The following ABR variants were observed in gnomAD, a reference collection of about 807,000 sequenced individuals.
The protein encoded by ABR is active breakpoint cluster region-related protein.
Under a neutral mutation model 107.2 loss-of-function variants are expected in ABR, and 35 were observed. The ratio of observed to expected loss-of-function variants is 0.33; its 90% confidence interval spans 0.25 to 0.43. The LOEUF (loss-of-function observed/expected upper bound fraction) is 0.43, where lower values mean the gene tolerates loss of function less well. Among genes scored for constraint, ABR ranks in the 20% least tolerant of loss-of-function variants. The probability of loss-of-function intolerance (pLI) is 1.00; values close to 1 mark genes in which losing one functional copy is unlikely to be tolerated. For missense variants in ABR, 815 were observed against 1,115.2 expected, an observed-to-expected ratio of 0.73 and a Z score of 3.83; for synonymous variants, 498 against 462.0, an observed-to-expected ratio of 1.08 and a Z score of -1.00.
chr17:1,096,410 C>T (rs559416931), intron 3 of ABR, among the ~76,000 whole-genome samples: 15 of 152,268 alleles, frequency 9.9e-5, no homozygotes, highest in Admixed American at 5.2e-4. Context: ...GGCACCTTTG[C>T]GAGGCCACCC....
chr17:1,046,416 G>A (rs973004864), intron 16 of ABR, among the ~76,000 whole-genome samples: 2 of 151,974 alleles, frequency 1.3e-5, no homozygotes, highest in Non-Finnish European at 2.9e-5. Context: ...GATTATGGGC[G>A]CGTGCCACCA....
chr17:1,014,076 A>C (rs1207144386), intron 16 of ABR, among the ~76,000 whole-genome samples: 1 of 152,236 alleles, frequency 6.6e-6, no homozygotes, highest in Admixed American at 6.5e-5. Context: ...TAAAAGTGTG[A>C]CATCATTCCT....
At chr17:1,205,769 C>A (rs1200853724) in intron 1 of ABR, among the ~76,000 whole-genome samples, 1 of 152,172 alleles carries the variant, frequency 6.6e-6, no homozygotes, top group Non-Finnish European at 1.5e-5. Flanking sequence ...ATGGTGAAAC[C>A]CCATCTCTGC....
At chr17:1,186,451 C>G (rs1273752949) in intron 1 of ABR, among the ~76,000 whole-genome samples, 5 of 152,222 alleles carry the variant, frequency 3.3e-5, no homozygotes, top group African/African-American at 9.6e-5. Flanking sequence ...GCATTCACCC[C>G]CTCACTGCCT....
intron 1 of ABR, among the ~76,000 whole-genome samples, chr17:1,130,329 T>C (rs2039772462): frequency 6.6e-6 from 1 of 152,028 alleles, no homozygotes; most frequent in African/African-American, 2.4e-5. Context: ...CCATTCTAGA[T>C]GCCTCCACAT....
rs1397810955 is a variant in ABR at position 1,051,949 on chromosome 17, C to A, written c.1562-1315G>T. On this transcript the variant is annotated intron_variant, in intron 14 of 22. Transcript: ENST00000302538. This position sits in a 1 kb window ranked among gnomAD's most constrained non-coding sequence, Gnocchi z 4.3. Reference sequence around the variant, plus strand: ...GTGAGCCCGGCGTGGTGGCACATGCCTGTAGTCCCAGCTACTCGGGAGGCT... The same window carrying A: ...GTGAGCCCGGCGTGGTGGCACATGCATGTAGTCCCAGCTACTCGGGAGGCT... Among the ~76,000 whole-genome samples, 1 of 152,138 alleles carries A rather than the reference C, an allele frequency of 6.6e-6. No individual in the cohort carries two copies. Among genetic ancestry groups the A allele is most frequent in the African/African-American group, 2.4e-5 (1 of 41,436 alleles).
chr17:1,205,549 G>A (rs187456040), intron 1 of ABR, among the ~76,000 whole-genome samples: 10 of 152,270 alleles, frequency 6.6e-5, no homozygotes, highest in Admixed American at 3.3e-4. Context: ...AGTGGCTCAC[G>A]TCTGTAATCC....
At chr17:1,066,997 AC>A in intron 10 of ABR, 79 bp downstream of exon 10, 1 of 1,497,002 alleles carries the variant, frequency 6.7e-7, no homozygotes, top group Non-Finnish European at 9.1e-7. Flanking sequence ...AAAGTCTCAA[AC>A]CTTACAACTT....
At chr17:1,041,505 C>T (rs1352436255) in intron 16 of ABR, among the ~76,000 whole-genome samples, 3 of 151,870 alleles carry the variant, frequency 2.0e-5, no homozygotes, top group African/African-American at 4.8e-5. Context: ...GAGGCTGAGG[C>T]GGGTGGATCA....
intron 16 of ABR, among the ~76,000 whole-genome samples, chr17:1,031,341 A>G (rs2020031): frequency 0.22 from 33,648 of 152,022 alleles, 4,210 homozygotes; most frequent in Middle Eastern, 0.31. Context: ...AGCAGGGTCC[A>G]CCTGCCGAGA....
chr17:1,222,292 T>A (rs1016740124), intron 1 of ABR, among the ~76,000 whole-genome samples: 1 of 152,152 alleles, frequency 6.6e-6, no homozygotes, highest in Non-Finnish European at 1.5e-5. Context: ...CTCGAACTCC[T>A]GACCTCAAGT....
At chr17:1,023,003 C>CCAGAGCCTCTGCCGGCCCCACGTCCACTG (rs2071818975) in intron 16 of ABR, among the ~76,000 whole-genome samples, 1 of 144,920 alleles carries the variant, frequency 6.9e-6, no homozygotes, top group Non-Finnish European at 1.5e-5. Context: ...CACGTCCGCT[C>CCAGAGCCTCTGCCGGCCCCACGTCCACTG]CAGAGCCTCT....
At chr17:1,171,353 C>T (rs954746545) in intron 1 of ABR, among the ~76,000 whole-genome samples, 2 of 152,196 alleles carry the variant, frequency 1.3e-5, no homozygotes, top group Non-Finnish European at 2.9e-5. Flanking sequence ...ATGATGGCCA[C>T]ATCCTTCCCC....
chr17:1,182,947 G>A (rs2042181045), upstream of ABR, among the ~76,000 whole-genome samples: 1 of 152,184 alleles, frequency 6.6e-6, no homozygotes, highest in African/African-American at 2.4e-5. Context: ...ACAAGTGTGT[G>A]AGCCTTTGAG....
intron 2 of ABR, among the ~76,000 whole-genome samples, chr17:1,111,232 G>A (rs957773110): frequency 1.3e-5 from 2 of 152,110 alleles, no homozygotes; most frequent in Non-Finnish European, 2.9e-5. Context: ...ACCTCTACAC[G>A]GCATGGTGAG....
intron 1 of ABR, among the ~76,000 whole-genome samples, chr17:1,130,376 G>C (rs2258780): frequency 0.51 from 76,259 of 148,940 alleles, 19,687 homozygotes; most frequent in African/African-American, 0.58. Context: ...AGGCATCCCC[G>C]CTCCTCCCCA....
intron 1 of ABR, among the ~76,000 whole-genome samples, chr17:1,185,654 T>TAAAAAAA (rs775804045): frequency 0.011 from 444 of 39,316 alleles, 12 homozygotes; most frequent in African/African-American, 0.04. Context: ...CAGAAAGAAA[T>TAAAAAAA]AAAAAAAAAA....
In ABR at chr17:1,209,758, C is replaced by T. The variant is rs188165405; in HGVS notation, c.838+19035G>A. ...GTGACGTGGACACCCCACACACATA[C>T]GAGTTACACATATACATAGATAATT... On this transcript the variant is annotated intron_variant, in intron 1 of 22. Coordinates refer to the ABR transcript ENST00000574139. Among the ~76,000 whole-genome samples, 579 of 152,312 alleles carry T rather than the reference C, an allele frequency of 3.8e-3. 4 individuals are homozygous for T. The highest frequency in any genetic ancestry group is 0.013 in the African/African-American group (555 of 41,568).
At chr17:1,173,867 G>C (rs77652156) in intron 1 of ABR, among the ~76,000 whole-genome samples, 1 of 152,184 alleles carries the variant, frequency 6.6e-6, no homozygotes, top group Non-Finnish European at 1.5e-5. Flanking sequence ...CCAGTCCCTC[G>C]AGGCTTTCCC....
Sources: allele counts gnomAD v4.1 joint callset (sites outside exome capture counted in the v4.1 genomes callset), GRCh38; gene constraint gnomAD v4.1.1; non-coding constraint Gnocchi (gnomAD v3.1); transcripts MANE v1.5; gene names NCBI Gene and HGNC (gene_info 2026-07-23, HGNC 2026-07-21).